The following PAX1 variants were observed in gnomAD, a reference collection of about 807,000 sequenced individuals.
The protein encoded by PAX1 is paired box protein Pax-1.
A neutral mutation model predicts 35.6 loss-of-function variants in PAX1; 18 were observed. The observed-to-expected ratio is 0.50, with a 90% CI of 0.35 to 0.75. The LOEUF is 0.75. Among genes scored for constraint, PAX1 ranks in the 30% least tolerant of loss-of-function variants. PAX1 has a pLI of 0.01. For synonymous variants in PAX1, 397 were observed against 305.2 expected, an observed-to-expected ratio of 1.30 and a Z score of -3.14; for missense variants, 760 against 661.5, an observed-to-expected ratio of 1.15 and a Z score of -1.63.
In PAX1 at chr20:21,705,761, G is replaced by C. The variant is rs1984955478; in HGVS notation, c.49G>C (p.Glu17Gln). 1.6e-6 allele frequency: 2 copies of C among 1,262,954 alleles called. No individual in the cohort carries two copies. Among genetic ancestry groups the C allele is most frequent in the Non-Finnish European group, 2.0e-6 (2 of 1,002,898 alleles). 78.2% of individuals were successfully genotyped at this position (1,262,954 alleles called of 1,614,324 possible). ...GTCGCGGGCGTGGAGAGTGTCCTGG[G>C]AGGGGGCAGCAGCGGCGGCGGCAGG... Reference protein sequence around the residue: ...LGSRAWRVSWEGAAAAAAGPG... With the variant: ...LGSRAWRVSWQGAAAAAAGPG... The change falls in exon 1 of 5, where the codon GAG becomes CAG. Residue 17 changes from glutamate to glutamine, a missense_variant. Physicochemically the swap from Glu to Gln is conservative, Grantham distance 29 (BLOSUM62 2). Coordinates refer to ENST00000613128, the MANE Select transcript of PAX1 (RefSeq NM_001257096.2).
chr20:21,715,556 T>C lies in PAX1; in HGVS notation c.*994T>C, dbSNP rs1030696661. ...GTAGGGAGCACAGGGGTTGTTGGTG[T>C]TTTCAGTGCTTAGAAAACTGGGTTG... is the stretch of plus-strand genomic sequence containing the variant. On this transcript the variant is annotated 3_prime_UTR_variant, in exon 5 of 5. Coordinates refer to ENST00000613128, the MANE Select transcript of PAX1 (RefSeq NM_001257096.2). 1 of 152,094 alleles carries C rather than the reference T, an allele frequency of 6.6e-6. No homozygotes were observed. The highest frequency in any genetic ancestry group is 2.4e-5 in the African/African-American group (1 of 41,312). 9.4% of individuals were successfully genotyped at this position (152,094 alleles called of 1,614,324 possible).
intron 4 of PAX1, 93 bp from the exon 5 acceptor site, chr20:21,714,378 A>T: frequency 2.2e-6 from 2 of 920,602 alleles, no homozygotes; most frequent in South Asian, 3.4e-5. Flanking sequence ...TTGAGCGCTC[A>T]CGACCTCGCT....
rs373793961 is a variant in PAX1 at position 21,706,939 on chromosome 20, C to G, written c.788C>G (p.Thr263Arg). 4.3e-6 allele frequency: 7 copies of G among 1,612,528 alleles called. No individual in the cohort carries two copies. Among genetic ancestry groups the G allele is most frequent in the Non-Finnish European group, 5.1e-6 (6 of 1,179,518 alleles). Reference protein sequence around the residue: ...QYPYPSPVSPTGAKMGSHPGV... With the variant: ...QYPYPSPVSPRGAKMGSHPGV... ...CCCTACCCCAGTCCCGTGTCGCCCA[C>G]GGGCGCCAAGATGGGCAGCCACCCC... Residue 263 changes from threonine (T) to arginine (R), a missense_variant, in exon 2 of 5, where the codon ACG becomes AGG. By Grantham distance (71) the Thr-to-Arg change is moderately conservative. Coordinates refer to ENST00000613128, the MANE Select transcript of PAX1 (RefSeq NM_001257096.2). The surrounding 1 kb of genome is among the most constrained non-coding windows in gnomAD (Gnocchi z 5.3).
Position 21,716,917 on chromosome 20 carries a change from C to A in PAX1, c.*2355C>A, listed in dbSNP as rs892446921. 6.6e-6 allele frequency: 1 copy of A among 152,176 alleles called. No individual in the cohort carries two copies. The highest frequency in any genetic ancestry group is 1.5e-5 in the Non-Finnish European group (1 of 68,048). 9.4% of individuals were successfully genotyped at this position (152,176 alleles called of 1,614,324 possible). A position where few individuals can be genotyped will look rare whatever the true frequency, so the allele number is the denominator to read the frequency against. On this transcript the variant is annotated 3_prime_UTR_variant, in exon 5 of 5. Transcript: ENST00000613128. ...TCAGGCCAGGAGGAAGACATCACATCCCTTTCTGAAGGAATGAGAAGAATC... is the reference window on the plus strand; with the variant it reads ...TCAGGCCAGGAGGAAGACATCACATACCTTTCTGAAGGAATGAGAAGAATC...
chr20:21,708,542 CCTCT>C lies in PAX1; in HGVS notation c.917-10_917-7del, dbSNP rs765817563. 4 of 1,613,134 alleles carry C rather than the reference CCTCT, an allele frequency of 2.5e-6. No homozygotes were observed. The highest frequency in any genetic ancestry group is 2.2e-5 in the East Asian group (1 of 44,886). The stretch of plus-strand genomic sequence containing the variant: ...GATTCGGAGGCACCTTTTAATCCGT[CCTCT>C]CTCTCCTGCAGGGGCCCTGGCTGGG... On this transcript the variant is annotated splice_polypyrimidine_tract_variant and intron_variant, in intron 2 of 4. Transcript: ENST00000613128.
Position 21,709,337 on chromosome 20 carries a change from C to A in PAX1, c.1175C>A (p.Pro392Gln). 2 of 1,599,098 alleles carry A rather than the reference C, an allele frequency of 1.3e-6. No individual in the cohort carries two copies. Among genetic ancestry groups the A allele is most frequent in the Non-Finnish European group, 1.7e-6 (2 of 1,177,076 alleles). The change falls in exon 4 of 5, where the codon CCG becomes CAG. Residue 392 changes from proline (P) to glutamine (Q), a missense_variant. By Grantham distance (76) the Pro-to-Gln change is moderately conservative. Around this residue, in one of 3 missense-constraint regions of PAX1, gnomAD observed 490 missense variants for 428.4 expected, o/e 1.14. Coordinates refer to ENST00000613128, the MANE Select transcript of PAX1 (RefSeq NM_001257096.2). ...PGGGYLAPGPPWPPAQGPPLA... is the reference protein window; with the variant it reads ...PGGGYLAPGPQWPPAQGPPLA... Reference sequence around the variant, plus strand: ...GGCGGCTACCTCGCCCCGGGCCCGCCGTGGCCGCCTGCGCAAGGTCCTCCT... The same window carrying A: ...GGCGGCTACCTCGCCCCGGGCCCGCAGTGGCCGCCTGCGCAAGGTCCTCCT...
In PAX1 at chr20:21,716,036, C is replaced by T. The variant is rs932756562; in HGVS notation, c.*1474C>T. ...AGCGCAGAGTGTTGAGTTCTTACTC[C>T]GTAGCTACCCTCTCCCCTGAGTTCC... On this transcript the variant is annotated 3_prime_UTR_variant, in exon 5 of 5. Coordinates refer to ENST00000613128, the MANE Select transcript of PAX1 (RefSeq NM_001257096.2). The T allele has an allele frequency of 9.2e-5, 14 of 152,184 alleles. No individual in the cohort carries two copies. Among genetic ancestry groups the T allele is most frequent in the Non-Finnish European group, 1.5e-4 (10 of 68,056 alleles). The allele number at this position is 152,184 out of a possible 1,614,324, so 9.4% of individuals were successfully genotyped here. A position where few individuals can be genotyped will look rare whatever the true frequency, so the allele number is the denominator to read the frequency against.
chr20:21,706,359 C>A lies in PAX1; in HGVS notation c.287-79C>A. The stretch of plus-strand genomic sequence containing the variant: ...GGAAGTGCGCCTGGGTGCAGTCCCT[C>A]GCTCCGCGTGGGGACCCTTGGCTAA... On this transcript the variant is annotated intron_variant, in intron 1 of 4. Coordinates refer to ENST00000613128, the MANE Select transcript of PAX1 (RefSeq NM_001257096.2). The surrounding 1 kb of genome is among the most constrained non-coding windows in gnomAD (Gnocchi z 5.3). 1.3e-6 allele frequency: 2 copies of A among 1,568,724 alleles called. No homozygotes were observed. Among genetic ancestry groups the A allele is most frequent in the Non-Finnish European group, 8.7e-7 (1 of 1,150,114 alleles).
rs749250915 is a variant in PAX1, at chr20:21,706,380, G to A, written c.287-58G>A. On this transcript the variant is annotated intron_variant, in intron 1 of 4. Coordinates refer to ENST00000613128, the MANE Select transcript of PAX1 (RefSeq NM_001257096.2). The surrounding 1 kb of genome is among the most constrained non-coding windows in gnomAD (Gnocchi z 5.3). ...CCCTCGCTCCGCGTGGGGACCCTTGGCTAACCCGCCGGGTGTTTTCTCCCC... is the reference window on the plus strand; with the variant it reads ...CCCTCGCTCCGCGTGGGGACCCTTGACTAACCCGCCGGGTGTTTTCTCCCC... 38 of 1,603,678 alleles carry A rather than the reference G, an allele frequency of 2.4e-5. 1 individual carries two copies. The South Asian group carries it at 3.7e-4, about 16-fold the overall frequency.
Position 21,714,662 on chromosome 20 carries a change from A to C in PAX1, c.*100A>C, listed in dbSNP as rs950659529. Reference sequence around the variant, plus strand: ...CGGCAATCGGCACGGGCAGGATCGGAGGACTCGCGGAGGAGGAAGCCAGTG... The same window carrying C: ...CGGCAATCGGCACGGGCAGGATCGGCGGACTCGCGGAGGAGGAAGCCAGTG... On this transcript the variant is annotated 3_prime_UTR_variant, in exon 5 of 5. Coordinates refer to ENST00000613128, the MANE Select transcript of PAX1 (RefSeq NM_001257096.2). 11 of 1,602,098 alleles carry C rather than the reference A, an allele frequency of 6.9e-6. No homozygotes were observed. The highest frequency in any genetic ancestry group is 8.5e-6 in the Non-Finnish European group (10 of 1,177,180).
At chr20:21,713,504 A>G (rs2073140743) in intron 4 of PAX1, among the ~76,000 whole-genome samples, 1 of 152,058 alleles carries the variant, frequency 6.6e-6, no homozygotes, top group Non-Finnish European at 1.5e-5. Flanking sequence ...AAAAAAATCC[A>G]GAGTTCCCCT....
In PAX1 at chr20:21,706,351, C is replaced by T. The variant is rs1284757636; in HGVS notation, c.287-87C>T. 1 of 1,530,326 alleles carries T rather than the reference C, an allele frequency of 6.5e-7. No homozygotes were observed. The highest frequency in any genetic ancestry group is 2.2e-5 in the East Asian group (1 of 44,506). 94.8% of individuals were successfully genotyped at this position (1,530,326 alleles called of 1,614,324 possible). On this transcript the variant is annotated intron_variant, in intron 1 of 4. Transcript: ENST00000613128. This position sits in a 1 kb window ranked among gnomAD's most constrained non-coding sequence, Gnocchi z 5.3. ...TCACCTTTGGAAGTGCGCCTGGGTG[C>T]AGTCCCTCGCTCCGCGTGGGGACCC...
intron 4 of PAX1, among the ~76,000 whole-genome samples, chr20:21,711,345 C>T (rs1487049960): frequency 6.6e-6 from 1 of 152,240 alleles, no homozygotes; most frequent in Non-Finnish European, 1.5e-5. Context: ...GTAACACACA[C>T]AGTTCCTAAT....
At chr20:21,709,743 G>A (rs1174905303) in intron 4 of PAX1, among the ~76,000 whole-genome samples, 2 of 152,064 alleles carry the variant, frequency 1.3e-5, no homozygotes, top group Non-Finnish European at 2.9e-5. Context: ...GTTTGGATCC[G>A]GTTCTGGCAC....
Position 21,706,742 on chromosome 20 carries a change from C to A in PAX1, c.591C>A (p.Arg197=). The change falls in exon 2 of 5, where the codon CGC becomes CGA. Residue 197 remains arginine, a synonymous_variant. Coordinates refer to ENST00000613128, the MANE Select transcript of PAX1 (RefSeq NM_001257096.2). The surrounding 1 kb of genome is among the most constrained non-coding windows in gnomAD (Gnocchi z 5.3). ...CTGGCATCTTTGCCTGGGAGATCCG[C>A]GACCGGCTGCTGGCCGACGGCGTCT... ...GDPGIFAWEI[R]DRLLADGVCD... The A allele has an allele frequency of 6.2e-7, 1 of 1,613,518 alleles. No homozygotes were observed. The highest frequency in any genetic ancestry group is 1.1e-5 in the South Asian group (1 of 91,086).
chr20:21,709,335 G>C lies in PAX1; in HGVS notation c.1173G>C (p.Pro391=), dbSNP rs200820610. 4.8e-4 allele frequency: 771 copies of C among 1,598,530 alleles called. No individual in the cohort carries two copies. The highest frequency in any genetic ancestry group is 6.4e-4 in the Non-Finnish European group (749 of 1,176,964). The change falls in exon 4 of 5, where the codon CCG becomes CCC. Residue 391 remains proline, a synonymous_variant. Transcript: ENST00000613128. ...APGGGYLAPG[P]PWPPAQGPPL... ...GCGGCGGCTACCTCGCCCCGGGCCC[G>C]CCGTGGCCGCCTGCGCAAGGTCCTC...
chr20:21,706,556 C>T lies in PAX1; in HGVS notation c.405C>T (p.Asp135=), dbSNP rs1177676653. 2 of 1,612,214 alleles carry T rather than the reference C, an allele frequency of 1.2e-6. No individual in the cohort carries two copies. The highest frequency in any genetic ancestry group is 1.3e-5 in the African/African-American group (1 of 74,938). Reference sequence around the variant, plus strand: ...CGCAGCTGGGCATCCGACCCTGTGACATCAGTCGGCAGCTCCGCGTATCCC... The same window carrying T: ...CGCAGCTGGGCATCCGACCCTGTGATATCAGTCGGCAGCTCCGCGTATCCC... ...ELAQLGIRPC[D]ISRQLRVSHG... Residue 135 remains aspartate (D), a synonymous_variant, in exon 2 of 5, where the codon GAC becomes GAT. Coordinates refer to ENST00000613128, the MANE Select transcript of PAX1 (RefSeq NM_001257096.2). The surrounding 1 kb of genome is among the most constrained non-coding windows in gnomAD (Gnocchi z 5.3).
chr20:21,715,027 C>A lies in PAX1; in HGVS notation c.*465C>A, dbSNP rs1985324273. 2 of 622,416 alleles carry A rather than the reference C, an allele frequency of 3.2e-6. No homozygotes were observed. The highest frequency in any genetic ancestry group is 3.8e-5 in the South Asian group (2 of 52,014). The allele number at this position is 622,416 out of a possible 1,614,324, so 38.6% of individuals were successfully genotyped here. On this transcript the variant is annotated 3_prime_UTR_variant, in exon 5 of 5. Coordinates refer to ENST00000613128, the MANE Select transcript of PAX1 (RefSeq NM_001257096.2). ...ACCTTCCAGGGCTCCCTCTGCCCTT[C>A]CACTCTCTTTTCCTTGCTCCGACCT... is the stretch of plus-strand genomic sequence containing the variant.
In PAX1 at chr20:21,706,897, A is replaced by G; in HGVS notation, c.746A>G (p.Asn249Ser). 6.2e-7 allele frequency: 1 copy of G among 1,613,352 alleles called. No homozygotes were observed. Among genetic ancestry groups the G allele is most frequent in the Non-Finnish European group, 8.5e-7 (1 of 1,179,966 alleles). Residue 249 changes from asparagine (N) to serine (S), a missense_variant, in exon 2 of 5, where the codon AAC becomes AGC. Physicochemically the swap from Asn to Ser is conservative, Grantham distance 46 (BLOSUM62 1). Around this residue, in one of 3 missense-constraint regions of PAX1, gnomAD observed 490 missense variants for 428.4 expected, o/e 1.14. Coordinates refer to ENST00000613128, the MANE Select transcript of PAX1 (RefSeq NM_001257096.2). The surrounding 1 kb of genome is among the most constrained non-coding windows in gnomAD (Gnocchi z 5.3). ...QPPSQPTLPY[N>S]HIYQYPYPSP... ...CCGTCGCAGCCTACGCTGCCCTACA[A>G]CCACATCTACCAGTACCCCTACCCC...
Sources: gnomAD v4.1 joint callset for allele counts (sites outside exome capture counted in the v4.1 genomes callset) on GRCh38, gnomAD v4.1.1 for gene constraint, gnomAD v4.1.1 regional missense constraint, Gnocchi (gnomAD v3.1) non-coding constraint, MANE v1.5 for transcripts, NCBI Gene and HGNC (gene_info 2026-07-23, HGNC 2026-07-21) for gene names.